Variants in NOL4 observed in about 807,000 individuals in gnomAD.
NOL4 encodes nucleolar protein 4.
NOL4 carries 17 observed loss-of-function variants against 75.9 expected under a neutral mutation model. The ratio of observed to expected loss-of-function variants is 0.22; its 90% CI spans 0.15 to 0.34. NOL4 has a LOEUF of 0.34. Among genes scored for constraint, NOL4 ranks in the 10% least tolerant of loss-of-function variants. The probability of loss-of-function intolerance (pLI) is 1.00; values close to 1 mark genes in which losing one functional copy is unlikely to be tolerated. For missense variants in NOL4, 614 were observed against 793.5 expected, an observed-to-expected ratio of 0.77 and a Z score of 2.72; for synonymous variants, 292 against 289.9, an observed-to-expected ratio of 1.01 and a Z score of -0.07.
At chr18:33,947,413 T>A (rs1461817915) in intron 8 of NOL4, among the ~76,000 whole-genome samples, 1 of 151,520 alleles carries the variant, frequency 6.6e-6, no homozygotes. Context: ...TTTGTAAGAG[T>A]GGCCATAAAA....
chr18:33,895,428 T>C (rs1214814126), intron 9 of NOL4, among the ~76,000 whole-genome samples: 2 of 152,142 alleles, frequency 1.3e-5, no homozygotes, highest in Non-Finnish European at 2.9e-5. Flanking sequence ...AAAGTAAATG[T>C]ATTTTTTATA....
At chr18:34,067,455 TA>T (rs1337237590) in intron 5 of NOL4, among the ~76,000 whole-genome samples, 6 of 152,136 alleles carry the variant, frequency 3.9e-5, no homozygotes, top group African/African-American at 1.4e-4. Flanking sequence ...GCTTAGAATC[TA>T]CTGTAGGATA....
intron 2 of NOL4, among the ~76,000 whole-genome samples, chr18:34,127,200 A>C (rs1023175512): frequency 6.6e-6 from 1 of 151,936 alleles, no homozygotes; most frequent in Non-Finnish European, 1.5e-5. Context: ...TCAAGGAATG[A>C]TATACTGCAG....
chr18:34,039,792 G>C (rs1398520936), intron 5 of NOL4, among the ~76,000 whole-genome samples: 1 of 151,910 alleles, frequency 6.6e-6, no homozygotes. Flanking sequence ...GTTCAACTTA[G>C]CAATTTTTTG....
At position 34,048,780 on chromosome 18, in the gene NOL4, T is replaced by A. The variant is rs1226352948; in HGVS notation, c.773-29179A>T. On this transcript the variant is annotated intron_variant, in intron 5 of 10. Transcript: ENST00000261592. ...ACAAGTTTACTGTCAGACTGGGTTGTTGATTATCTGTACATTTTGCTACAG... is the reference window on the plus strand; with the variant it reads ...ACAAGTTTACTGTCAGACTGGGTTGATGATTATCTGTACATTTTGCTACAG... Among the ~76,000 whole-genome samples the A allele has an allele frequency of 2.6e-5, 4 of 152,198 alleles. No individual in the cohort carries two copies. In the East Asian group the frequency reaches 7.8e-4, roughly 30 times the overall value.
intron 6 of NOL4, among the ~76,000 whole-genome samples, chr18:33,973,618 C>T (rs568619220): frequency 3.2e-4 from 48 of 152,324 alleles, no homozygotes; most frequent in African/African-American, 1.1e-3. Context: ...CAAAATTACT[C>T]CTTGATCTGT....
intron 8 of NOL4, among the ~76,000 whole-genome samples, chr18:33,952,157 G>C (rs1475829299): frequency 1.3e-5 from 2 of 152,074 alleles, no homozygotes; most frequent in Non-Finnish European, 2.9e-5. Flanking sequence ...AGCTGGGTGG[G>C]GTGTGTGAAT....
At chr18:33,911,710 C>G (rs184812761) in intron 9 of NOL4, among the ~76,000 whole-genome samples, 455 of 152,148 alleles carry the variant, frequency 3.0e-3, no homozygotes, top group Admixed American at 4.9e-3. Flanking sequence ...TAATTTCCCC[C>G]CTCTGGCTTC....
At chr18:34,038,275 T>G (rs1298167511) in intron 5 of NOL4, among the ~76,000 whole-genome samples, 1 of 152,036 alleles carries the variant, frequency 6.6e-6, no homozygotes, top group Admixed American at 6.6e-5. Context: ...AAGCAAACAC[T>G]TACATATTGT....
intron 2 of NOL4, among the ~76,000 whole-genome samples, chr18:34,129,225 T>A (rs1237534989): frequency 6.6e-6 from 1 of 151,950 alleles, no homozygotes; most frequent in Non-Finnish European, 1.5e-5. Flanking sequence ...TATTTCGATA[T>A]CTAGCAGTTA....
intron 5 of NOL4, among the ~76,000 whole-genome samples, chr18:34,035,435 T>C (rs753802549): frequency 5.3e-5 from 8 of 152,000 alleles, no homozygotes; most frequent in Non-Finnish European, 8.8e-5. Flanking sequence ...GAATATAATA[T>C]ATCAAAACTC....
At chr18:34,129,614 A>G (rs4315411) in intron 2 of NOL4, among the ~76,000 whole-genome samples, 75,895 of 150,916 alleles carry the variant, frequency 0.5, 19,172 homozygotes, top group Admixed American at 0.57. Context: ...CCATTTGTGG[A>G]CATTTGATTG....
At chr18:34,211,027 C>T (rs778423811) in intron 1 of NOL4, among the ~76,000 whole-genome samples, 1 of 151,494 alleles carries the variant, frequency 6.6e-6, no homozygotes, top group Non-Finnish European at 1.5e-5. Flanking sequence ...TTGCAGTGAG[C>T]CGAGATCGCA....
At chr18:34,124,867 A>G (rs932113695) in intron 2 of NOL4, among the ~76,000 whole-genome samples, 5 of 150,824 alleles carry the variant, frequency 3.3e-5, no homozygotes, top group Admixed American at 6.7e-5. Context: ...AGATCATGCC[A>G]TTTCACTCCA....
In NOL4 at chr18:33,991,668, T is replaced by C. The variant is rs543315515; in HGVS notation, c.1056+27650A>G. Among the ~76,000 whole-genome samples, 12 of 152,124 alleles carry C rather than the reference T, an allele frequency of 7.9e-5. No individual in the cohort carries two copies. The East Asian group carries it at 1.8e-3, about 22-fold the overall frequency. On this transcript the variant is annotated intron_variant, in intron 6 of 10. Coordinates refer to ENST00000261592, the MANE Select transcript of NOL4 (RefSeq NM_003787.5). ...TTACTCTAGCCCTGTGGCTCCCATA[T>C]AATAGCAGCTAGCCACATGTACCAA...
rs983844619 is a variant in NOL4, at chr18:34,153,491, A to G, written c.265-23471T>C. Among the ~76,000 whole-genome samples the G allele has an allele frequency of 2.6e-5, 4 of 152,140 alleles. No individual in the cohort carries two copies. In the South Asian group the frequency reaches 6.2e-4, roughly 24 times the overall value. ...CCTTTAGTGTTCATAATAATTATCT[A>G]TTATTCCCATTTCACAGGTAACGAA... On this transcript the variant is annotated intron_variant, in intron 1 of 10. Transcript: ENST00000261592.
chr18:34,027,186 AGAG>A (rs1378124690), intron 5 of NOL4, among the ~76,000 whole-genome samples: 5 of 152,216 alleles, frequency 3.3e-5, no homozygotes, highest in Non-Finnish European at 5.9e-5. Flanking sequence ...CAAAGAACAG[AGAG>A]GAGGATAGAG....
chr18:34,114,909 T>A (rs989653567), intron 2 of NOL4, among the ~76,000 whole-genome samples: 9 of 152,024 alleles, frequency 5.9e-5, no homozygotes, highest in African/African-American at 1.9e-4. Context: ...AGTATCAAAA[T>A]GTCATCACAG....
In NOL4 at chr18:34,218,755, T is replaced by C. The variant is rs2037091177; in HGVS notation, c.264+4235A>G. 2.6e-5 allele frequency among the ~76,000 whole-genome samples: 4 copies of C among 152,294 alleles called. No homozygotes were observed. In the South Asian group the frequency reaches 8.3e-4, roughly 32 times the overall value. On this transcript the variant is annotated intron_variant, in intron 1 of 10. Coordinates refer to ENST00000261592, the MANE Select transcript of NOL4 (RefSeq NM_003787.5). ...GCAATGTCCACTATAGAAGCAAAAA[T>C]GTGCTTCCATCTCAGTGACCACTAT...
Sources: allele counts gnomAD v4.1 joint callset (sites outside exome capture counted in the v4.1 genomes callset), GRCh38; gene constraint gnomAD v4.1.1; transcripts MANE v1.5; gene names NCBI Gene and HGNC (gene_info 2026-07-23, HGNC 2026-07-21).